The following CNTLN variants were observed in gnomAD, a reference collection of about 807,000 sequenced individuals.
CNTLN encodes centlein, centrosomal protein.
In CNTLN, 212 loss-of-function variants were observed where a neutral mutation model predicts 180.0. The observed-to-expected ratio is 1.18, with a 90% CI of 1.05 to 1.32. CNTLN has a LOEUF of 1.32. Ranked by LOEUF, CNTLN falls within the 40% of genes most tolerant of loss-of-function variation. The pLI is 0.00. For synonymous variants in CNTLN, 722 were observed against 563.1 expected (o/e 1.28, Z -3.99); for missense variants, 2,095 against 1,610.9 (o/e 1.30, Z -5.14).
intron 5 of CNTLN, among the ~76,000 whole-genome samples, chr9:17,245,323 AG>A (rs1825735596): frequency 6.6e-6 from 1 of 150,860 alleles, no homozygotes; most frequent in Admixed American, 6.6e-5. Context: ...CTATGTTAAA[AG>A]TTTTTTTTTT....
At chr9:17,297,853 A>T (rs1818057977) in intron 6 of CNTLN, among the ~76,000 whole-genome samples, 1 of 152,194 alleles carries the variant, frequency 6.6e-6, no homozygotes, top group Non-Finnish European at 1.5e-5. Context: ...CTGTCTAATA[A>T]CTATAGCTGA....
chr9:17,422,931 T>C (rs2133933320), intron 18 of CNTLN, among the ~76,000 whole-genome samples: 1 of 152,314 alleles, frequency 6.6e-6, no homozygotes, highest in Non-Finnish European at 1.5e-5. Context: ...ACAAATCCGC[T>C]AGGGGATACC....
At chr9:17,149,234 T>C (rs1051005245) in intron 2 of CNTLN, among the ~76,000 whole-genome samples, 2 of 152,226 alleles carry the variant, frequency 1.3e-5, no homozygotes, top group Non-Finnish European at 2.9e-5. Flanking sequence ...ACATTTGGGT[T>C]GGTTCCAACT....
At chr9:17,169,594 G>A (rs1294222520) in intron 2 of CNTLN, among the ~76,000 whole-genome samples, 2 of 151,784 alleles carry the variant, frequency 1.3e-5, no homozygotes, top group Non-Finnish European at 2.9e-5. Flanking sequence ...TAAGATAAGG[G>A]TCCAATTTTA....
intron 5 of CNTLN, among the ~76,000 whole-genome samples, chr9:17,262,938 A>G (rs1218484696): frequency 6.6e-6 from 1 of 151,268 alleles, no homozygotes; most frequent in East Asian, 1.9e-4. Context: ...GATTTTATCA[A>G]AAGCTTCTCT....
intron 6 of CNTLN, among the ~76,000 whole-genome samples, chr9:17,283,511 T>G (rs1348834060): frequency 6.6e-6 from 1 of 152,146 alleles, no homozygotes; most frequent in Non-Finnish European, 1.5e-5. Flanking sequence ...GATGATGGGG[T>G]TTTCTAGATA....
At chr9:17,347,872 C>G (rs1040033319) in intron 12 of CNTLN, among the ~76,000 whole-genome samples, 16 of 152,122 alleles carry the variant, frequency 1.1e-4, no homozygotes, top group African/African-American at 2.2e-4. Context: ...CGCTCTGTCG[C>G]TCAGGCTGGA....
At chr9:17,258,419 T>C (rs201741134) in intron 5 of CNTLN, among the ~76,000 whole-genome samples, 8 of 151,240 alleles carry the variant, frequency 5.3e-5, no homozygotes, top group South Asian at 2.1e-4. Context: ...CATGATGCCT[T>C]CAGCTTTGTT....
At chr9:17,320,190 A>G (rs1277564852) in intron 8 of CNTLN, among the ~76,000 whole-genome samples, 1 of 152,156 alleles carries the variant, frequency 6.6e-6, no homozygotes, top group Non-Finnish European at 1.5e-5. Flanking sequence ...ATTTCTTTTC[A>G]TAGTTACTCT....
chr9:17,357,090 T>C (rs1202481125), intron 12 of CNTLN, among the ~76,000 whole-genome samples: 1 of 152,148 alleles, frequency 6.6e-6, no homozygotes, highest in African/African-American at 2.4e-5. Flanking sequence ...GTGCTTCATG[T>C]AAGTGGAATC....
downstream of CNTLN, among the ~76,000 whole-genome samples, chr9:17,507,137 C>T (rs1299057391): frequency 1.3e-5 from 2 of 152,236 alleles, no homozygotes; most frequent in Admixed American, 1.3e-4. Context: ...AACCCTCTCT[C>T]CCTCCTTTTC....
chr9:17,319,993 C>T (rs989598457), intron 8 of CNTLN, among the ~76,000 whole-genome samples: 1 of 152,216 alleles, frequency 6.6e-6, no homozygotes, highest in Non-Finnish European at 1.5e-5. Flanking sequence ...CTATTCTTAT[C>T]TCAAAGCGAT....
chr9:17,174,697 G>GA (rs796698623), intron 2 of CNTLN, among the ~76,000 whole-genome samples: 2,501 of 144,582 alleles, frequency 0.017, 50 homozygotes, highest in African/African-American at 0.045. Flanking sequence ...CTCCGTCTCA[G>GA]GAAAAAAAAA....
chr9:17,167,874 G>A (rs1820182997), intron 2 of CNTLN: 1 of 152,092 alleles, frequency 6.6e-6, no homozygotes, highest in Non-Finnish European at 1.5e-5. Context: ...CTGGTCAGAC[G>A]GCACAGCCCC....
chr9:17,331,228 C>T (rs1343749800), intron 9 of CNTLN, among the ~76,000 whole-genome samples: 1 of 151,732 alleles, frequency 6.6e-6, no homozygotes, highest in Non-Finnish European at 1.5e-5. Context: ...AAAATACTGT[C>T]TGTGTGGAAA....
chr9:17,152,976 C>A (rs1818996635), intron 2 of CNTLN, among the ~76,000 whole-genome samples: 1 of 151,652 alleles, frequency 6.6e-6, no homozygotes, highest in Non-Finnish European at 1.5e-5. Context: ...ATTAGGATTG[C>A]AACTCCTGCT....
At chr9:17,369,583 A>G (rs754106763) in intron 13 of CNTLN, among the ~76,000 whole-genome samples, 3 of 151,766 alleles carry the variant, frequency 2.0e-5, no homozygotes, top group Admixed American at 1.3e-4. Context: ...TGAAAAAATA[A>G]AAAAGAATCA....
At chr9:17,171,176 A>T (rs1820397097) in intron 2 of CNTLN, among the ~76,000 whole-genome samples, 1 of 152,104 alleles carries the variant, frequency 6.6e-6, no homozygotes, top group Admixed American at 6.5e-5. Flanking sequence ...TTACTGGAAA[A>T]TTGTCATTTT....
At position 17,371,192 on chromosome 9, in the gene CNTLN, A is replaced by G. The variant is rs1433974211; in HGVS notation, c.1987+4475A>G. 2.0e-5 allele frequency among the ~76,000 whole-genome samples: 3 copies of G among 152,172 alleles called. 1 individual carries two copies. The highest frequency in any genetic ancestry group is 4.8e-5 in the African/African-American group (2 of 41,462). On this transcript the variant is annotated intron_variant, in intron 13 of 25. Coordinates refer to ENST00000380647, the MANE Select transcript of CNTLN (RefSeq NM_017738.4). ...CAAAATACACAGAGTAACTGAAAGG[A>G]TGTAAAAATCAGAGCCACTCTCTGT...
Sources: gnomAD v4.1 joint callset for allele counts (sites outside exome capture counted in the v4.1 genomes callset) on GRCh38, gnomAD v4.1.1 for gene constraint, MANE v1.5 for transcripts, NCBI Gene and HGNC (gene_info 2026-07-23, HGNC 2026-07-21) for gene names.